The following PTPRD variants were observed in gnomAD, a reference collection of about 807,000 sequenced individuals.
The protein encoded by PTPRD is receptor-type tyrosine-protein phosphatase delta.
A neutral mutation model predicts 214.5 loss-of-function variants in PTPRD; 34 were observed. The observed-to-expected ratio is 0.16, with a 90% confidence interval of 0.12 to 0.21. PTPRD has a LOEUF of 0.21. Ranked by LOEUF, PTPRD falls within the 10% of genes least tolerant of loss-of-function variation. The pLI is 1.00. For synonymous variants in PTPRD, 1,128 were observed against 845.7 expected (o/e 1.33, Z -5.79); for missense variants, 2,545 against 2,398.7 (o/e 1.06, Z -1.27).
intron 30 of PTPRD, among the ~76,000 whole-genome samples, chr9:8,474,506 A>G (rs1186663840): frequency 1.3e-5 from 2 of 152,196 alleles, no homozygotes; most frequent in Non-Finnish European, 2.9e-5. Context: ...GGAGCTGAAC[A>G]CAGCTTGAGA....
intron 2 of PTPRD, among the ~76,000 whole-genome samples, chr9:10,539,167 T>C (rs919550995): frequency 3.9e-5 from 6 of 152,128 alleles, no homozygotes; most frequent in African/African-American, 1.4e-4. Context: ...CATTTGAATT[T>C]ATCATTATTG....
At chr9:10,284,372 G>A (rs58526546) in intron 3 of PTPRD, among the ~76,000 whole-genome samples, 1,883 of 152,280 alleles carry the variant, frequency 0.012, 43 homozygotes, top group African/African-American at 0.043. Context: ...TGTTTTTAAT[G>A]TTAGGATCAA....
chr9:9,688,135 G>A (rs1256054153), intron 7 of PTPRD, among the ~76,000 whole-genome samples: 1 of 151,766 alleles, frequency 6.6e-6, no homozygotes, highest in African/African-American at 2.4e-5. Flanking sequence ...TCAACCATGT[G>A]GAATTGTGAG....
chr9:10,561,884 A>T (rs2757874), intron 2 of PTPRD, among the ~76,000 whole-genome samples: 24,456 of 152,072 alleles, frequency 0.16, 2,516 homozygotes, highest in East Asian at 0.5. Context: ...AGGATAATAA[A>T]ATCCTCTGGC....
chr9:10,218,390 T>C (rs1252181498), intron 3 of PTPRD, among the ~76,000 whole-genome samples: 1 of 151,910 alleles, frequency 6.6e-6, no homozygotes, highest in Non-Finnish European at 1.5e-5. Flanking sequence ...AAAATATAGT[T>C]TTTAGAATAA....
intron 9 of PTPRD, among the ~76,000 whole-genome samples, chr9:9,247,751 T>C (rs1286516174): frequency 6.6e-6 from 1 of 152,030 alleles, no homozygotes; most frequent in Non-Finnish European, 1.5e-5. Context: ...CATCTTTGGT[T>C]AAAAATATAG....
At chr9:9,951,039 G>A (rs1420249904) in intron 4 of PTPRD, among the ~76,000 whole-genome samples, 1 of 152,160 alleles carries the variant, frequency 6.6e-6, no homozygotes. Context: ...GGTAGTAGCT[G>A]AGGTGATGAT....
chr9:10,039,050 T>C (rs1429200710), intron 3 of PTPRD, among the ~76,000 whole-genome samples: 1 of 152,120 alleles, frequency 6.6e-6, no homozygotes, highest in Non-Finnish European at 1.5e-5. Context: ...ATCTTAGTTT[T>C]TAATTGGCTA....
At chr9:8,887,380 A>C (rs2098500209) in intron 11 of PTPRD, among the ~76,000 whole-genome samples, 1 of 152,206 alleles carries the variant, frequency 6.6e-6, no homozygotes, top group African/African-American at 2.4e-5. Context: ...TAGATGGAAG[A>C]AGTAACAATT....
chr9:9,309,336 C>G (rs1308647532), intron 9 of PTPRD, among the ~76,000 whole-genome samples: 4 of 147,098 alleles, frequency 2.7e-5, no homozygotes, highest in Non-Finnish European at 6.1e-5. Flanking sequence ...GCAAACAAAC[C>G]AACAACAAAA....
In PTPRD at chr9:8,962,557, C is replaced by A. The variant is rs534114816; in HGVS notation, c.-104+56140G>T. On this transcript the variant is annotated intron_variant, in intron 11 of 45. Coordinates refer to ENST00000381196, the MANE Select transcript of PTPRD (RefSeq NM_002839.4). ...GAGAGAAAGAGAGAGAGAGAGAGAGCGAGAGCACTCTTAGGACATCATTTA... is the reference window on the plus strand; with the variant it reads ...GAGAGAAAGAGAGAGAGAGAGAGAGAGAGAGCACTCTTAGGACATCATTTA... Among the ~76,000 whole-genome samples the A allele has an allele frequency of 2.7e-3, 353 of 132,872 alleles. 1 individual carries two copies. Among genetic ancestry groups the A allele is most frequent in the African/African-American group, 8.5e-3 (325 of 38,280 alleles). The allele number at this position is 132,872 out of a possible 152,430, so 87.2% of individuals were successfully genotyped here. A position where few individuals can be genotyped will look rare whatever the true frequency, so the allele number is the denominator to read the frequency against.
chr9:9,591,274 A>G (rs755724347), intron 7 of PTPRD, among the ~76,000 whole-genome samples: 62 of 152,104 alleles, frequency 4.1e-4, no homozygotes, highest in Non-Finnish European at 6.6e-4. Flanking sequence ...ATGAAAGGGA[A>G]TGCAGGCAGC....
At chr9:10,451,694 G>C (rs575625543) in intron 2 of PTPRD, among the ~76,000 whole-genome samples, 2 of 150,126 alleles carry the variant, frequency 1.3e-5, no homozygotes, top group South Asian at 2.1e-4. Flanking sequence ...TTATATTGAA[G>C]TCTGTAAACA....
intron 11 of PTPRD, among the ~76,000 whole-genome samples, chr9:8,955,548 T>G (rs1304460598): frequency 6.6e-6 from 1 of 151,876 alleles, no homozygotes; most frequent in Non-Finnish European, 1.5e-5. Context: ...GGTGTGCTCT[T>G]CGTTATAAGC....
At chr9:8,861,961 TCTAC>T (rs1393451548) in intron 11 of PTPRD, 6 of 152,230 alleles carry the variant, frequency 3.9e-5, no homozygotes, top group Admixed American at 3.9e-4. Context: ...AATATTCACT[TCTAC>T]GTGTGTTTCT....
Position 10,574,353 on chromosome 9 carries a change from C to A in PTPRD, c.-600+38045G>T, listed in dbSNP as rs180846483. On this transcript the variant is annotated intron_variant, in intron 2 of 45. Coordinates refer to ENST00000381196, the MANE Select transcript of PTPRD (RefSeq NM_002839.4). ...GGAAAGCATAAGAGGAACCGTTGAA[C>A]TTCAAAATGCTAATCCATTCTCAGG... is the stretch of plus-strand genomic sequence containing the variant. Among the ~76,000 whole-genome samples, 14 of 152,148 alleles carry A rather than the reference C, an allele frequency of 9.2e-5. No homozygotes were observed. In the East Asian group the frequency reaches 2.7e-3, roughly 29 times the overall value.
At chr9:9,368,701 GA>G (rs1484320363) in intron 9 of PTPRD, among the ~76,000 whole-genome samples, 2 of 151,814 alleles carry the variant, frequency 1.3e-5, no homozygotes, top group African/African-American at 4.8e-5. Context: ...CCTAGGGTAG[GA>G]AAAATATTCC....
At chr9:9,831,433 A>C (rs553189419) in intron 5 of PTPRD, among the ~76,000 whole-genome samples, 1 of 152,130 alleles carries the variant, frequency 6.6e-6, no homozygotes, top group African/African-American at 2.4e-5. Context: ...GTTTGGAAAG[A>C]GTTATACCCT....
At chr9:10,128,201 G>C (rs550783584) in intron 3 of PTPRD, among the ~76,000 whole-genome samples, 2 of 152,162 alleles carry the variant, frequency 1.3e-5, no homozygotes, top group South Asian at 4.1e-4. Context: ...CTCTGCTATA[G>C]GTTGAATTGT....
Sources: allele counts gnomAD v4.1 joint callset (sites outside exome capture counted in the v4.1 genomes callset), GRCh38; gene constraint gnomAD v4.1.1; transcripts MANE v1.5; gene names NCBI Gene and HGNC (gene_info 2026-07-23, HGNC 2026-07-21).